DOK5: variants seen among roughly 807,000 people sequenced by gnomAD.
DOK5 encodes downstream of tyrosine kinase 5.
DOK5 carries 27 observed loss-of-function variants against 43.3 expected under a neutral mutation model. The observed-to-expected ratio is 0.62, with a 90% CI of 0.46 to 0.86. DOK5 has a LOEUF of 0.86. DOK5 is among the 40% of genes least tolerant of loss of function. The pLI is 0.00. For synonymous variants in DOK5, 146 were observed against 140.1 expected (o/e 1.04, Z -0.30); for missense variants, 373 against 392.9 (o/e 0.95, Z 0.43).
intron 2 of DOK5, among the ~76,000 whole-genome samples, chr20:54,583,566 G>T (rs1162923273): frequency 6.6e-6 from 1 of 151,852 alleles, no homozygotes; most frequent in Non-Finnish European, 1.5e-5. Flanking sequence ...GGTTGCTCTG[G>T]TATGGGATAC....
At chr20:54,593,717 T>G (rs1346307402) in intron 5 of DOK5, among the ~76,000 whole-genome samples, 1 of 152,170 alleles carries the variant, frequency 6.6e-6, no homozygotes, top group Non-Finnish European at 1.5e-5. Context: ...AAAGCACTAT[T>G]CACAATAACA....
chr20:54,505,333 C>T (rs972997008), intron 1 of DOK5, among the ~76,000 whole-genome samples: 142 of 152,178 alleles, frequency 9.3e-4, no homozygotes, highest in African/African-American at 3.3e-3. Context: ...TGTTTGCACA[C>T]CTCGCAGCAG....
intron 5 of DOK5, among the ~76,000 whole-genome samples, chr20:54,603,583 T>A (rs1986365639): frequency 6.6e-6 from 1 of 152,220 alleles, no homozygotes; most frequent in Non-Finnish European, 1.5e-5. Context: ...TACTTGTCAA[T>A]GTCTGGAGAC....
chr20:54,610,243 C>G lies in DOK5; in HGVS notation c.600-145C>G, dbSNP rs55705559. 9.3e-6 allele frequency: 8 copies of G among 861,212 alleles called. No homozygotes were observed. In the East Asian group the frequency reaches 2.2e-4, roughly 24 times the overall value. The allele number at this position is 861,212 out of a possible 1,614,324, so 53.3% of individuals were successfully genotyped here. ...AATTAATTGAACACTTTGAACATTCCGATTCTAGTTAACTTTGTTTAACAA... is the reference window on the plus strand; with the variant it reads ...AATTAATTGAACACTTTGAACATTCGGATTCTAGTTAACTTTGTTTAACAA... On this transcript the variant is annotated intron_variant, in intron 5 of 7. Transcript: ENST00000262593.
At chr20:54,644,840 C>T (rs1291214170) in intron 7 of DOK5, among the ~76,000 whole-genome samples, 1 of 150,452 alleles carries the variant, frequency 6.6e-6, no homozygotes, top group African/African-American at 2.4e-5. Context: ...TGCACTCCAG[C>T]CTGGGCAACA....
chr20:54,571,993 A>G lies in DOK5; in HGVS notation c.175-16490A>G, dbSNP rs1985297815. On this transcript the variant is annotated intron_variant, in intron 2 of 7. Coordinates refer to ENST00000262593, the MANE Select transcript of DOK5 (RefSeq NM_018431.5). ...CATAAACCCGTGCTCATCCTTCGAG[A>G]CCCATGTTAGGACTAACGAGGCCTA... Among the ~76,000 whole-genome samples, 3 of 151,976 alleles carry G rather than the reference A, an allele frequency of 2.0e-5. No homozygotes were observed. The South Asian group carries it at 6.2e-4, about 32-fold the overall frequency.
chr20:54,591,395 T>G (rs1436877023), intron 4 of DOK5, among the ~76,000 whole-genome samples: 1 of 152,254 alleles, frequency 6.6e-6, no homozygotes, highest in African/African-American at 2.4e-5. Context: ...GTGCTTAGTG[T>G]ATGTTGACAG....
At chr20:54,615,260 A>G (rs1302881092) in intron 6 of DOK5, among the ~76,000 whole-genome samples, 1 of 152,202 alleles carries the variant, frequency 6.6e-6, no homozygotes, top group Non-Finnish European at 1.5e-5. Flanking sequence ...GTCCGATAAT[A>G]ATAGTAACAG....
intron 1 of DOK5, among the ~76,000 whole-genome samples, chr20:54,486,956 A>G (rs1436946490): frequency 6.6e-6 from 1 of 152,236 alleles, no homozygotes; most frequent in Non-Finnish European, 1.5e-5. Flanking sequence ...TGATAATAAA[A>G]AAAAAGGTTG....
intron 1 of DOK5, among the ~76,000 whole-genome samples, chr20:54,538,484 A>G (rs553733423): frequency 1.3e-5 from 2 of 152,346 alleles, no homozygotes; most frequent in South Asian, 4.1e-4. Context: ...ATTTCTAAAC[A>G]GAAAGGAAAC....
intron 1 of DOK5, among the ~76,000 whole-genome samples, chr20:54,490,969 T>C (rs945231722): frequency 1.3e-5 from 2 of 152,252 alleles, no homozygotes; most frequent in African/African-American, 4.8e-5. Flanking sequence ...TCCATGTCTT[T>C]GCCATCTCAC....
intron 6 of DOK5, among the ~76,000 whole-genome samples, chr20:54,626,860 C>T (rs1411747263): frequency 6.6e-6 from 1 of 152,160 alleles, no homozygotes; most frequent in Admixed American, 6.6e-5. Flanking sequence ...AACTACAGCC[C>T]ACGGGTGCAA....
chr20:54,630,157 C>T (rs971328987), intron 6 of DOK5, among the ~76,000 whole-genome samples: 4 of 152,144 alleles, frequency 2.6e-5, no homozygotes, highest in Non-Finnish European at 5.9e-5. Flanking sequence ...ATGAGTTAAA[C>T]GCTACTGCAG....
chr20:54,614,132 C>T (rs1356989029), intron 6 of DOK5, among the ~76,000 whole-genome samples: 1 of 151,946 alleles, frequency 6.6e-6, no homozygotes, highest in Non-Finnish European at 1.5e-5. Context: ...CTGTATGCAT[C>T]AATGACTATC....
intron 2 of DOK5, among the ~76,000 whole-genome samples, chr20:54,573,826 G>A (rs1285364206): frequency 1.3e-5 from 2 of 151,916 alleles, no homozygotes; most frequent in Middle Eastern, 3.2e-3. Flanking sequence ...CTTCCTGAAA[G>A]TTCCAAAGAG....
At chr20:54,527,706 G>A (rs7270950) in intron 1 of DOK5, among the ~76,000 whole-genome samples, 7,811 of 152,220 alleles carry the variant, frequency 0.051, 690 homozygotes, top group African/African-American at 0.18. Context: ...AAGTGGCAAA[G>A]GAATACAGGG....
chr20:54,623,992 C>T (rs57762196), intron 6 of DOK5, among the ~76,000 whole-genome samples: 1,542 of 152,244 alleles, frequency 0.01, 24 homozygotes, highest in African/African-American at 0.035. Flanking sequence ...ATGATGGAGC[C>T]GAGAGCTCTT....
intron 2 of DOK5, among the ~76,000 whole-genome samples, chr20:54,584,474 T>C (rs1182479635): frequency 5.3e-5 from 8 of 151,650 alleles, no homozygotes; most frequent in Admixed American, 5.3e-4. Context: ...CTTTATGTTA[T>C]CATTGTAACA....
At chr20:54,596,705 C>G (rs913097568) in intron 5 of DOK5, among the ~76,000 whole-genome samples, 1 of 152,122 alleles carries the variant, frequency 6.6e-6, no homozygotes, top group African/African-American at 2.4e-5. Context: ...GTAAAGACAC[C>G]TGGAATAGTG....
Sources: allele counts gnomAD v4.1 joint callset (sites outside exome capture counted in the v4.1 genomes callset), GRCh38; gene constraint gnomAD v4.1.1; transcripts MANE v1.5; gene names NCBI Gene and HGNC (gene_info 2026-07-23, HGNC 2026-07-21).